The following CACNG5 variants were observed in gnomAD, a reference collection of about 807,000 sequenced individuals.
CACNG5 encodes the protein voltage-dependent calcium channel gamma-5 subunit.
CACNG5 carries 18 observed loss-of-function variants against 24.8 expected under a neutral mutation model. The observed-to-expected ratio is 0.73, with a 90% CI of 0.50 to 1.08. The LOEUF (loss-of-function observed/expected upper bound fraction) is 1.08. Among genes scored for constraint, CACNG5 ranks in the 50% least tolerant of loss-of-function variants. The pLI, the probability that CACNG5 is intolerant of heterozygous loss-of-function variation, is 0.00. For missense variants in CACNG5, 349 were observed against 367.9 expected, an observed-to-expected ratio of 0.95 and a Z score of 0.42; for synonymous variants, 157 against 149.1, an observed-to-expected ratio of 1.05 and a Z score of -0.39.
At position 66,877,371 on chromosome 17, in the gene CACNG5, C is replaced by A; in HGVS notation, c.39C>A (p.Ser13Arg). 1 of 1,614,144 alleles carries A rather than the reference C, an allele frequency of 6.2e-7. No individual in the cohort carries two copies. Among genetic ancestry groups the A allele is most frequent in the Non-Finnish European group, 8.5e-7 (1 of 1,180,002 alleles). ...ACGRKALTLLSSVFAVCGLGL... is the reference protein window; with the variant it reads ...ACGRKALTLLRSVFAVCGLGL... The stretch of plus-strand genomic sequence containing the variant: ...GGAGGAAGGCCCTGACCCTGCTGAG[C>A]AGTGTCTTTGCTGTCTGTGGCTTGG... Residue 13 changes from serine to arginine, a missense_variant, in exon 2 of 6, where the codon AGC becomes AGA. Physicochemically the swap from Ser to Arg is moderately radical, Grantham distance 110. Coordinates refer to ENST00000533854, the MANE Select transcript of CACNG5 (RefSeq NM_145811.3).
intron 1 of CACNG5, among the ~76,000 whole-genome samples, chr17:66,842,156 T>G (rs1264206954): frequency 6.6e-6 from 1 of 152,172 alleles, no homozygotes; most frequent in Non-Finnish European, 1.5e-5. Context: ...AGAGGAGGCC[T>G]GTGAAATATA....
At chr17:66,859,558 G>C (rs562668341) in intron 1 of CACNG5, among the ~76,000 whole-genome samples, 1 of 152,086 alleles carries the variant, frequency 6.6e-6, no homozygotes, top group Non-Finnish European at 1.5e-5. Context: ...GGGCAGCACC[G>C]TGTTTCTCTT....
chr17:66,877,267 A>C lies in CACNG5; in HGVS notation c.-66A>C. 1 of 1,397,914 alleles carries C rather than the reference A, an allele frequency of 7.2e-7. No individual in the cohort carries two copies. The highest frequency in any genetic ancestry group is 1.3e-5 in the South Asian group (1 of 79,170). The allele number at this position is 1,397,914 out of a possible 1,614,324, so 86.6% of individuals were successfully genotyped here. ...TGCCACCTGCTCACCCACTCTCCCT[A>C]GCCCCAGAGCGCAGTCCGTGCTGGT... is the stretch of plus-strand genomic sequence containing the variant. On this transcript the variant is annotated 5_prime_UTR_variant, in exon 2 of 6. Transcript: ENST00000533854.
At chr17:66,877,661 G>A (rs1977103113) in intron 2 of CACNG5, 133 bp downstream of exon 2, 1 of 728,810 alleles carries the variant, frequency 1.4e-6, no homozygotes, top group South Asian at 1.8e-5. Flanking sequence ...ATATATGGCG[G>A]GTGGTGCTCC....
At chr17:66,872,295 C>T (rs960876538) in intron 1 of CACNG5, among the ~76,000 whole-genome samples, 2 of 152,154 alleles carry the variant, frequency 1.3e-5, no homozygotes, top group African/African-American at 2.4e-5. Context: ...AATGGCTCCT[C>T]TCCTATAAGA....
At chr17:66,855,600 T>G (rs28378347) in intron 1 of CACNG5, among the ~76,000 whole-genome samples, 130 of 152,304 alleles carry the variant, frequency 8.5e-4, no homozygotes, top group African/African-American at 3.0e-3. Context: ...CTCGGTTCAC[T>G]GCAACCTCTG....
At chr17:66,882,937 T>TTCCATCCATCCA (rs113055446) in intron 4 of CACNG5, among the ~76,000 whole-genome samples, 2 of 150,520 alleles carry the variant, frequency 1.3e-5, no homozygotes, top group Admixed American at 6.6e-5. Context: ...TTCTTTCTCC[T>TTCCATCCATCCA]TCCATCCATC....
chr17:66,850,083 C>T (rs918386758), intron 1 of CACNG5, among the ~76,000 whole-genome samples: 24 of 152,164 alleles, frequency 1.6e-4, no homozygotes, highest in African/African-American at 5.6e-4. Flanking sequence ...GGTGAGAAAG[C>T]CCCTGCAGCC....
chr17:66,863,771 C>A lies in CACNG5; in HGVS notation c.-103-13459C>A, dbSNP rs183845108. On this transcript the variant is annotated intron_variant, in intron 1 of 5. Coordinates refer to ENST00000533854, the MANE Select transcript of CACNG5 (RefSeq NM_145811.3). ...ATGCTGATCATTCTGCCTGAAGAAT[C>A]TGTTTAGTAATTTTTTTGATTCAAG... Among the ~76,000 whole-genome samples the A allele has an allele frequency of 1.4e-4, 22 of 152,308 alleles. No homozygotes were observed. The East Asian group carries it at 4.2e-3, about 29-fold the overall frequency.
chr17:66,845,883 C>G (rs1488821504), intron 1 of CACNG5, among the ~76,000 whole-genome samples: 2 of 152,196 alleles, frequency 1.3e-5, no homozygotes, highest in African/African-American at 4.8e-5. Context: ...TCTCCATCCA[C>G]TCTGGGAGGC....
intron 4 of CACNG5, among the ~76,000 whole-genome samples, chr17:66,882,549 G>T (rs1009309004): frequency 6.6e-6 from 1 of 152,134 alleles, no homozygotes; most frequent in Non-Finnish European, 1.5e-5. Flanking sequence ...ATAAAGGTGG[G>T]CTCTTTCTCC....
At chr17:66,843,957 T>G (rs1185225367) in intron 1 of CACNG5, among the ~76,000 whole-genome samples, 1 of 112,628 alleles carries the variant, frequency 8.9e-6, no homozygotes, top group African/African-American at 3.3e-5. Flanking sequence ...GGCCCTTGAC[T>G]CGGGGGGAGA....
rs56153121 is a variant in CACNG5, at chr17:66,857,065, GTTTTTTT to G, written c.-103-20147_-103-20141del. 4.1e-4 allele frequency among the ~76,000 whole-genome samples: 39 copies of G among 94,032 alleles called. 1 individual carries two copies. The highest frequency in any genetic ancestry group is 2.0e-3 in the East Asian group (7 of 3,444). 61.7% of individuals were successfully genotyped at this position (94,032 alleles called of 152,430 possible). ...AACACATTTTTATTTCAATTTTTAA[GTTTTTTT>G]TTTTTTTTTTTTTTTTTGATAAGGT... On this transcript the variant is annotated intron_variant, in intron 1 of 5. Transcript: ENST00000533854.
chr17:66,845,414 C>A (rs1191378122), intron 1 of CACNG5, among the ~76,000 whole-genome samples: 1 of 149,674 alleles, frequency 6.7e-6, no homozygotes, highest in Non-Finnish European at 1.5e-5. Context: ...ACCTATGTAA[C>A]AAACCTGCAC....
intron 1 of CACNG5, among the ~76,000 whole-genome samples, chr17:66,842,034 G>T (rs1976576332): frequency 6.6e-6 from 1 of 152,056 alleles, no homozygotes; most frequent in African/African-American, 2.4e-5. Context: ...GCCAGAAGAG[G>T]GTGCCACTTT....
At position 66,890,317 on chromosome 17, in the gene CACNG5, T is replaced by A. The variant is rs917612; in HGVS notation, c.*5077T>A. Reference sequence around the variant, plus strand: ...GTGGAGGGTGGTACGCTGGAGCCAGTCAGAGCCCTCACCAGGGCTGCTTTT... The same window carrying A: ...GTGGAGGGTGGTACGCTGGAGCCAGACAGAGCCCTCACCAGGGCTGCTTTT... On this transcript the variant is annotated 3_prime_UTR_variant, in exon 6 of 6. Transcript: ENST00000533854. 0.18 allele frequency among the ~76,000 whole-genome samples: 27,819 copies of A among 152,142 alleles called. 2,677 individuals are homozygous for A. The highest frequency in any genetic ancestry group is 0.24 in the Middle Eastern group (71 of 294).
At chr17:66,863,366 CTGT>C (rs960967971) in intron 1 of CACNG5, among the ~76,000 whole-genome samples, 10 of 151,540 alleles carry the variant, frequency 6.6e-5, no homozygotes, top group South Asian at 2.1e-4. Context: ...GTTGTTGTTG[CTGT>C]TGTTGTTGTT....
In CACNG5 at chr17:66,888,543, CAAAAAAAAAAAAAA is replaced by C. The variant is rs770809783; in HGVS notation, c.*3313_*3326del. On this transcript the variant is annotated 3_prime_UTR_variant, in exon 6 of 6. Transcript: ENST00000533854. ...TGGGTGACAGAGCGAGACTCCGTCT[CAAAAAAAAAAAAAA>C]AAAAAAAAAGAGTTAAAGAAAGAGG... 1.6e-5 allele frequency among the ~76,000 whole-genome samples: 1 copy of C among 62,638 alleles called. No homozygotes were observed. Among genetic ancestry groups the C allele is most frequent in the African/African-American group, 5.6e-5 (1 of 17,982 alleles). 41.1% of individuals were successfully genotyped at this position (62,638 alleles called of 152,430 possible).
chr17:66,865,359 C>T lies in CACNG5; in HGVS notation c.-103-11871C>T, dbSNP rs185591577. Among the ~76,000 whole-genome samples the T allele has an allele frequency of 1.1e-3, 162 of 151,124 alleles. 1 individual carries two copies. The highest frequency in any genetic ancestry group is 1.5e-3 in the Non-Finnish European group (102 of 67,846). ...TGATGCACCCCAGAAAATTTCAAAT[C>T]GCTGATGTAAGACATTCTGCTTTAC... On this transcript the variant is annotated intron_variant, in intron 1 of 5. Coordinates refer to ENST00000533854, the MANE Select transcript of CACNG5 (RefSeq NM_145811.3).
Sources: allele counts gnomAD v4.1 joint callset (sites outside exome capture counted in the v4.1 genomes callset), GRCh38; gene constraint gnomAD v4.1.1; transcripts MANE v1.5; gene names NCBI Gene and HGNC (gene_info 2026-07-23, HGNC 2026-07-21).